PTPRM: variants seen among roughly 807,000 people sequenced by gnomAD.
The protein encoded by PTPRM is receptor-type tyrosine-protein phosphatase mu.
Under a neutral mutation model 186.7 loss-of-function variants are expected in PTPRM, and 47 were observed. The observed-to-expected ratio is 0.25, with a 90% CI of 0.20 to 0.32. PTPRM has a LOEUF of 0.32. Among genes scored for constraint, PTPRM ranks in the 10% least tolerant of loss-of-function variants. The pLI, the probability that PTPRM is intolerant of heterozygous loss-of-function variation, is 1.00. For missense variants in PTPRM, 1,494 were observed against 1,865.0 expected (o/e 0.80, Z 3.66); for synonymous variants, 668 against 674.9 (o/e 0.99, Z 0.16).
chr18:8,224,224 C>G (rs1246748858), intron 14 of PTPRM, among the ~76,000 whole-genome samples: 1 of 144,484 alleles, frequency 6.9e-6, no homozygotes, highest in Non-Finnish European at 1.5e-5. Flanking sequence ...TCATTTGCTT[C>G]TAAGAATCAT....
intron 8 of PTPRM, among the ~76,000 whole-genome samples, chr18:8,071,924 G>T (rs1421653556): frequency 6.6e-6 from 1 of 152,140 alleles, no homozygotes; most frequent in East Asian, 1.9e-4. Context: ...ACAATTCTTA[G>T]ATACATTAGG....
At chr18:8,183,427 T>C (rs528659580) in intron 14 of PTPRM, among the ~76,000 whole-genome samples, 25 of 152,224 alleles carry the variant, frequency 1.6e-4, no homozygotes, top group Non-Finnish European at 3.2e-4. Flanking sequence ...TGTGATGCGA[T>C]GACATAAAGG....
intron 13 of PTPRM, among the ~76,000 whole-genome samples, chr18:8,118,811 A>AAAAATAT (rs372020679): frequency 2.1e-4 from 27 of 128,366 alleles, no homozygotes; most frequent in Middle Eastern, 8.8e-3. Context: ...AAAAAAAAAA[A>AAAAATAT]ATATATATAT....
chr18:8,120,492 C>CTTTCT (rs2092128177), intron 13 of PTPRM, among the ~76,000 whole-genome samples: 1 of 136,586 alleles, frequency 7.3e-6, no homozygotes, highest in African/African-American at 2.7e-5. Flanking sequence ...TTCTTTCTTT[C>CTTTCT]TTTTTTTTTT....
intron 1 of PTPRM, among the ~76,000 whole-genome samples, chr18:7,773,752 T>G (rs964722842): frequency 6.6e-6 from 1 of 152,140 alleles, no homozygotes; most frequent in African/African-American, 2.4e-5. Context: ...AGCTAATTTT[T>G]GTATTTTTGT....
rs1568364650 is a variant in PTPRM at position 8,114,773 on chromosome 18, T to TC, written c.2131-17dup. On this transcript the variant is annotated splice_polypyrimidine_tract_variant and intron_variant, in intron 12 of 32. Coordinates refer to ENST00000580170, the MANE Select transcript of PTPRM (RefSeq NM_001105244.2). ...GAAAACATGAATAATGATTTTTCCCTCTCTTTATTTGACACAGGAAACCAA... is the reference window on the plus strand; with the variant it reads ...GAAAACATGAATAATGATTTTTCCCTCCTCTTTATTTGACACAGGAAACCAA... 1.3e-6 allele frequency: 2 copies of TC among 1,594,256 alleles called. No individual in the cohort carries two copies. The highest frequency in any genetic ancestry group is 3.4e-5 in the Admixed American group (2 of 57,986).
At chr18:7,884,944 A>C in intron 2 of PTPRM, among the ~76,000 whole-genome samples, 1 of 150,396 alleles carries the variant, frequency 6.6e-6, no homozygotes, top group South Asian at 2.1e-4. Context: ...AAAAAAAAAA[A>C]AAAAAAAGGA....
At chr18:7,628,502 A>G (rs2038114660) in intron 1 of PTPRM, among the ~76,000 whole-genome samples, 1 of 152,232 alleles carries the variant, frequency 6.6e-6, no homozygotes, top group African/African-American at 2.4e-5. Context: ...ATTTTTCTTA[A>G]AAGAATTAGA....
intron 2 of PTPRM, among the ~76,000 whole-genome samples, chr18:7,866,941 A>G (rs908486832): frequency 1.3e-5 from 2 of 152,170 alleles, no homozygotes; most frequent in Non-Finnish European, 2.9e-5. Context: ...TCATTATGTA[A>G]TGCCCTTCTT....
chr18:7,775,448 C>T (rs540286617), intron 2 of PTPRM, among the ~76,000 whole-genome samples: 5 of 152,182 alleles, frequency 3.3e-5, no homozygotes, highest in African/African-American at 1.2e-4. Flanking sequence ...TTCTTGTCAG[C>T]GATAAAGAGA....
intron 28 of PTPRM, 135 bp downstream of exon 28, chr18:8,379,475 T>C: frequency 2.1e-6 from 2 of 960,228 alleles, no homozygotes; most frequent in Non-Finnish European, 2.9e-6. Flanking sequence ...CAACAAAAAA[T>C]AGATTTCAGA....
chr18:7,860,084 T>A (rs981328242), intron 2 of PTPRM, among the ~76,000 whole-genome samples: 12 of 152,090 alleles, frequency 7.9e-5, no homozygotes, highest in Non-Finnish European at 1.5e-4. Flanking sequence ...ATTTTATTTT[T>A]TTTTTTGAGA....
intron 1 of PTPRM, among the ~76,000 whole-genome samples, chr18:7,633,625 GCTCT>G (rs1029120814): frequency 1.3e-5 from 2 of 152,090 alleles, no homozygotes; most frequent in African/African-American, 2.4e-5. Context: ...AATCTGACCT[GCTCT>G]CTCTATCTGG....
intron 5 of PTPRM, among the ~76,000 whole-genome samples, chr18:7,945,256 A>G (rs949371339): frequency 6.6e-6 from 1 of 150,988 alleles, no homozygotes; most frequent in Admixed American, 6.6e-5. Flanking sequence ...GATTGAGACC[A>G]TCCTGGTGAA....
At chr18:7,991,352 A>C (rs2083259478) in intron 7 of PTPRM, among the ~76,000 whole-genome samples, 1 of 152,132 alleles carries the variant, frequency 6.6e-6, no homozygotes, top group Admixed American at 6.6e-5. Context: ...AACTATTATT[A>C]TTTGTGACTA....
intron 7 of PTPRM, among the ~76,000 whole-genome samples, chr18:8,052,964 A>G (rs957462462): frequency 3.3e-5 from 5 of 152,192 alleles, no homozygotes; most frequent in Non-Finnish European, 7.4e-5. Context: ...TTTGTGGTCT[A>G]TAATTTTCCT....
intron 20 of PTPRM, among the ~76,000 whole-genome samples, chr18:8,305,605 C>G (rs1233825412): frequency 6.6e-6 from 1 of 152,084 alleles, no homozygotes; most frequent in African/African-American, 2.4e-5. Context: ...GCTCGGGAGC[C>G]CGGGATCCTA....
At chr18:8,068,377 T>C (rs1006426424) in intron 7 of PTPRM, among the ~76,000 whole-genome samples, 5 of 152,216 alleles carry the variant, frequency 3.3e-5, no homozygotes, top group African/African-American at 9.6e-5. Flanking sequence ...AAACCCTGAA[T>C]GCTGAATTTT....
intron 19 of PTPRM, among the ~76,000 whole-genome samples, chr18:8,276,550 C>G (rs1385165691): frequency 6.6e-6 from 1 of 152,164 alleles, no homozygotes. Flanking sequence ...CAACTGTGGG[C>G]TGGGCACTGA....
Sources: gnomAD v4.1 joint callset for allele counts (sites outside exome capture counted in the v4.1 genomes callset) on GRCh38, gnomAD v4.1.1 for gene constraint, MANE v1.5 for transcripts, NCBI Gene and HGNC (gene_info 2026-07-23, HGNC 2026-07-21) for gene names.